The following NSD2 variants were observed in gnomAD, a reference collection of about 807,000 sequenced individuals.
NSD2 encodes nuclear receptor binding SET domain protein 2, also known as histone-lysine N-methyltransferase NSD2.
Under a neutral mutation model 139.0 loss-of-function variants are expected in NSD2, and 12 were observed. The observed-to-expected ratio is 0.09, with a 90% CI of 0.06 to 0.14. NSD2 has a LOEUF of 0.14. NSD2 is among the 10% of genes least tolerant of loss of function. The pLI is 1.00. For missense variants in NSD2, 1,155 were observed against 1,745.0 expected (o/e 0.66, Z 6.02); for synonymous variants, 669 against 648.7 (o/e 1.03, Z -0.48).
intron 1 of NSD2, among the ~76,000 whole-genome samples, chr4:1,891,046 A>G (rs765533152): frequency 3.3e-5 from 5 of 152,094 alleles, no homozygotes; most frequent in Non-Finnish European, 7.4e-5. Context: ...GGCACATGCC[A>G]CCACGCCCAG....
In NSD2 at chr4:1,895,255, G is replaced by C. The variant is rs59927319; in HGVS notation, c.-29-5371G>C. ...GAACATGGTTGTACAAATATCTTCT[G>C]GTTCCTGCTTTTAATTCTTTTGGGT... On this transcript the variant is annotated intron_variant, in intron 1 of 21. Coordinates refer to ENST00000508803, the MANE Select transcript of NSD2 (RefSeq NM_001042424.3). 7.2e-3 allele frequency among the ~76,000 whole-genome samples: 1,090 copies of C among 152,224 alleles called. 14 individuals are homozygous for C. The highest frequency in any genetic ancestry group is 0.025 in the African/African-American group (1,045 of 41,538).
chr4:1,882,998 C>G (rs556819893), intron 1 of NSD2, among the ~76,000 whole-genome samples: 1 of 152,082 alleles, frequency 6.6e-6, no homozygotes, highest in Admixed American at 6.5e-5. Context: ...GGTGGTTGGC[C>G]ATTCTTGGGA....
intron 3 of NSD2, among the ~76,000 whole-genome samples, chr4:1,905,387 A>G (rs979558949): frequency 6.6e-6 from 1 of 152,236 alleles, no homozygotes; most frequent in African/African-American, 2.4e-5. Context: ...GTCAGGCCAG[A>G]CTAGGCCAAT....
intron 1 of NSD2, among the ~76,000 whole-genome samples, chr4:1,889,079 G>T (rs2108693853): frequency 6.6e-6 from 1 of 151,290 alleles, no homozygotes; most frequent in Non-Finnish European, 1.5e-5. Flanking sequence ...TGTATTTTTA[G>T]TAGAGACGAG....
chr4:1,938,359 C>G, intron 7 of NSD2, 92 bp from the exon 8 acceptor site: 1 of 1,125,320 alleles, frequency 8.9e-7, no homozygotes, highest in Non-Finnish European at 1.2e-6. Flanking sequence ...CCTTTCTTTT[C>G]CTTTTGTTGT....
intron 1 of NSD2, among the ~76,000 whole-genome samples, chr4:1,879,967 A>G (rs988365061): frequency 6.6e-6 from 1 of 152,068 alleles, no homozygotes; most frequent in Non-Finnish European, 1.5e-5. Flanking sequence ...GAATTTTTCA[A>G]GGTGAGGGCC....
chr4:1,966,792 C>T (rs1725937944), intron 18 of NSD2, among the ~76,000 whole-genome samples: 1 of 152,008 alleles, frequency 6.6e-6, no homozygotes, highest in Non-Finnish European at 1.5e-5. Context: ...TAGTTTTACT[C>T]ATGAATTACT....
intron 1 of NSD2, among the ~76,000 whole-genome samples, chr4:1,878,649 C>T (rs942581260): frequency 5.9e-5 from 9 of 152,062 alleles, no homozygotes; most frequent in Non-Finnish European, 1.2e-4. Flanking sequence ...CTCAGTACTT[C>T]GTATGCCTTA....
chr4:1,930,521 C>T (rs189407027), intron 5 of NSD2, 105 bp from the exon 6 acceptor site: 19 of 1,215,162 alleles, frequency 1.6e-5, no homozygotes, highest in Admixed American at 6.4e-5. Flanking sequence ...AATAAAAATG[C>T]GACACACTAA....
chr4:1,980,894 T>C lies in NSD2; in HGVS notation c.*1985T>C, dbSNP rs777491915. On this transcript the variant is annotated 3_prime_UTR_variant, in exon 22 of 22. Coordinates refer to ENST00000508803, the MANE Select transcript of NSD2 (RefSeq NM_001042424.3). ...GCTCATAGATTTATGCTCCTTATGA[T>C]GCCCTAACTTGGAAGGTTGTTCTAG... is the stretch of plus-strand genomic sequence containing the variant. The C allele has an allele frequency of 2.6e-4, 61 of 233,202 alleles. No homozygotes were observed. The highest frequency in any genetic ancestry group is 9.0e-4 in the Admixed American group (16 of 17,782). The allele number at this position is 233,202 out of a possible 1,614,324, so 14.4% of individuals were successfully genotyped here.
Position 1,948,205 on chromosome 4 carries a change from T to C in NSD2, c.1882-2867T>C. ...CTGCTCGGAGCTCAGTGCCGCAGCA[T>C]GGCTGTGGTGGACGCGGGAAACAAC... On this transcript the variant is annotated intron_variant, in intron 9 of 21. Transcript: ENST00000508803. This position sits in a 1 kb window ranked among gnomAD's most constrained non-coding sequence, Gnocchi z 4.5. 9.4e-7 allele frequency: 1 copy of C among 1,064,130 alleles called. No individual in the cohort carries two copies. The highest frequency in any genetic ancestry group is 1.1e-6 in the Non-Finnish European group (1 of 878,272). The allele number at this position is 1,064,130 out of a possible 1,614,324, so 65.9% of individuals were successfully genotyped here.
intron 1 of NSD2, among the ~76,000 whole-genome samples, chr4:1,872,617 A>AGAGAGAGAGAGAGAGAGAGAGAGG (rs1560534012): frequency 1.4e-5 from 2 of 145,846 alleles, no homozygotes; most frequent in Non-Finnish European, 3.0e-5. Context: ...AGAGAGAGAG[A>AGAGAGAGAGAGAGAGAGAGAGAGG]GAGAGAGAGA....
At chr4:1,947,507 C>T (rs1466350105) in intron 9 of NSD2, 2 of 1,056,944 alleles carry the variant, frequency 1.9e-6, no homozygotes, top group Non-Finnish European at 2.3e-6. Flanking sequence ...TTTGTGTAAC[C>T]TAGAAGGGTC....
At chr4:1,915,138 C>T (rs1315029251) in intron 3 of NSD2, among the ~76,000 whole-genome samples, 19 of 99,252 alleles carry the variant, frequency 1.9e-4, no homozygotes, top group Admixed American at 9.1e-4. Context: ...TTTTTTGAGA[C>T]GGAGTCTGGC....
chr4:1,890,424 G>A (rs1250591390), intron 1 of NSD2, among the ~76,000 whole-genome samples: 2 of 146,294 alleles, frequency 1.4e-5, no homozygotes, highest in East Asian at 2.1e-4. Context: ...TCAGCCTCCC[G>A]AGTAGCTGGG....
chr4:1,970,059 GAA>G (rs1033675957), intron 18 of NSD2, among the ~76,000 whole-genome samples: 4 of 152,298 alleles, frequency 2.6e-5, no homozygotes, highest in African/African-American at 7.2e-5. Context: ...ATGTAGGAAA[GAA>G]AGAGAAGGAT....
intron 1 of NSD2, among the ~76,000 whole-genome samples, chr4:1,894,604 C>A (rs1336087237): frequency 6.7e-6 from 1 of 150,360 alleles, no homozygotes; most frequent in Non-Finnish European, 1.5e-5. Context: ...CCCAGGAGTT[C>A]TAGGATGCAG....
At chr4:1,935,881 A>C (rs966450042) in intron 7 of NSD2, among the ~76,000 whole-genome samples, 3 of 151,660 alleles carry the variant, frequency 2.0e-5, no homozygotes, top group Admixed American at 1.3e-4. Flanking sequence ...AAACAAAAAA[A>C]CCCCCAAACA....
rs763969166 is a variant in NSD2 at position 1,952,189 on chromosome 4, C to T, written c.2095C>T (p.Arg699Trp). Residue 699 changes from arginine to tryptophan, a missense_variant, in exon 11 of 22, where the codon CGG becomes TGG. Coordinates refer to ENST00000508803, the MANE Select transcript of NSD2 (RefSeq NM_001042424.3). ...CCACCTCGCCTGCCTTGGGCTTTCC[C>T]GGAGGCCAGAAGGGAGGTTCACCTG... ...AFHLACLGLS[R>W]RPEGRFTCSE... 1.1e-5 allele frequency: 18 copies of T among 1,613,922 alleles called. No individual in the cohort carries two copies. The highest frequency in any genetic ancestry group is 9.9e-5 in the South Asian group (9 of 91,084).
Sources: gnomAD v4.1 joint callset for allele counts (sites outside exome capture counted in the v4.1 genomes callset) on GRCh38, gnomAD v4.1.1 for gene constraint, Gnocchi (gnomAD v3.1) non-coding constraint, MANE v1.5 for transcripts, NCBI Gene and HGNC (gene_info 2026-07-23, HGNC 2026-07-21) for gene names.